Variants in WNT2 observed in about 807,000 individuals in gnomAD.
WNT2 encodes Wnt family member 2.
A neutral mutation model predicts 36.9 loss-of-function variants in WNT2; 12 were observed. The observed-to-expected ratio is 0.33, with a 90% CI of 0.21 to 0.53. The LOEUF (loss-of-function observed/expected upper bound fraction) is 0.53. WNT2 is among the 20% of genes least tolerant of loss of function. WNT2 has a pLI of 0.95. For synonymous variants in WNT2, 163 were observed against 174.6 expected, an observed-to-expected ratio of 0.93 and a Z score of 0.52; for missense variants, 379 against 473.1, an observed-to-expected ratio of 0.80 and a Z score of 1.84.
chr7:117,318,844 C>T (rs1795269160), intron 2 of WNT2, among the ~76,000 whole-genome samples: 1 of 152,174 alleles, frequency 6.6e-6, no homozygotes, highest in South Asian at 2.1e-4. Context: ...AGCAATTCTA[C>T]AGCTCTGAAG....
intron 3 of WNT2, among the ~76,000 whole-genome samples, chr7:117,302,013 T>C (rs1442453445): frequency 1.3e-5 from 2 of 152,004 alleles, no homozygotes; most frequent in Non-Finnish European, 2.9e-5. Context: ...TTCTCCATGT[T>C]GGTCAGGCTG....
chr7:117,309,291 T>C (rs1347776162), intron 3 of WNT2, among the ~76,000 whole-genome samples: 2 of 152,232 alleles, frequency 1.3e-5, no homozygotes, highest in Non-Finnish European at 2.9e-5. Context: ...TGAAGCACTT[T>C]CTGTAGGTGG....
At chr7:117,302,289 C>T (rs571898958) in intron 3 of WNT2, among the ~76,000 whole-genome samples, 9 of 152,192 alleles carry the variant, frequency 5.9e-5, no homozygotes, top group African/African-American at 1.4e-4. Flanking sequence ...AAAAGGTGTT[C>T]GACTTCATTA....
Position 117,284,565 on chromosome 7 carries a change from A to G in WNT2, c.854-6181T>C, listed in dbSNP as rs963876957. 3.3e-5 allele frequency among the ~76,000 whole-genome samples: 5 copies of G among 152,228 alleles called. No homozygotes were observed. Among genetic ancestry groups the G allele is most frequent in the East Asian group, 1.9e-4 (1 of 5,192 alleles). On this transcript the variant is annotated intron_variant, in intron 4 of 4. Coordinates refer to ENST00000265441, the MANE Select transcript of WNT2 (RefSeq NM_003391.3). The surrounding 1 kb of genome is among the most constrained non-coding windows in gnomAD (Gnocchi z 5.2). Reference sequence around the variant, plus strand: ...AGCTACATCTATCAGCCTTAATCCCATAAGGGTGAGTTTTCACATTTTCCA... The same window carrying G: ...AGCTACATCTATCAGCCTTAATCCCGTAAGGGTGAGTTTTCACATTTTCCA...
chr7:117,278,458 G>T (rs372876841), intron 4 of WNT2, 74 bp from the exon 5 acceptor site: 2 of 1,423,566 alleles, frequency 1.4e-6, no homozygotes, highest in East Asian at 4.9e-5. Flanking sequence ...GAGGAGTCAC[G>T]AGGTCCATCC....
At chr7:117,285,170 C>T (rs927886608) in intron 4 of WNT2, among the ~76,000 whole-genome samples, 10 of 152,170 alleles carry the variant, frequency 6.6e-5, no homozygotes, top group Admixed American at 6.5e-4. Flanking sequence ...TAGACAATTA[C>T]AACACATAAA....
chr7:117,289,488 T>A (rs551829538), intron 4 of WNT2, among the ~76,000 whole-genome samples: 11 of 152,330 alleles, frequency 7.2e-5, no homozygotes, highest in African/African-American at 2.4e-4. Flanking sequence ...GGAATTTTCA[T>A]AGGCTGTGAG....
At chr7:117,312,461 T>C (rs1354344619) in intron 3 of WNT2, among the ~76,000 whole-genome samples, 2 of 152,224 alleles carry the variant, frequency 1.3e-5, no homozygotes, top group Admixed American at 6.5e-5. Context: ...AAATGGCAGA[T>C]ATTGACCTTT....
rs934669534 is a variant in WNT2, at chr7:117,322,647, C to T, written c.83+260G>A. 1.3e-5 allele frequency among the ~76,000 whole-genome samples: 2 copies of T among 152,120 alleles called. No homozygotes were observed. The highest frequency in any genetic ancestry group is 2.9e-5 in the Non-Finnish European group (2 of 68,034). On this transcript the variant is annotated intron_variant, in intron 1 of 4. Coordinates refer to ENST00000265441, the MANE Select transcript of WNT2 (RefSeq NM_003391.3). This position sits in a 1 kb window ranked among gnomAD's most constrained non-coding sequence, Gnocchi z 5.4. ...GAAATTGGCTGATTTTGCTGTCGCT[C>T]AGCTGGATCCAAATAAACCAAACAT...
In WNT2 at chr7:117,314,925, C is replaced by A. The variant is rs190859783; in HGVS notation, c.588+146G>T. On this transcript the variant is annotated intron_variant, in intron 3 of 4. Transcript: ENST00000265441. ...TTCAACCTAGTTGTTGGTATTCTTCCGAACAAACAGCTAATGGCTGGGGGA... is the reference window on the plus strand; with the variant it reads ...TTCAACCTAGTTGTTGGTATTCTTCAGAACAAACAGCTAATGGCTGGGGGA... The A allele has an allele frequency of 2.9e-5, 37 of 1,260,334 alleles. No individual in the cohort carries two copies. In the East Asian group the frequency reaches 4.2e-4, roughly 14 times the overall value. The allele number at this position is 1,260,334 out of a possible 1,614,324, so 78.1% of individuals were successfully genotyped here. A position where few individuals can be genotyped will look rare whatever the true frequency, so the allele number is the denominator to read the frequency against.
intron 4 of WNT2, among the ~76,000 whole-genome samples, chr7:117,288,122 A>T (rs1190264563): frequency 6.6e-6 from 1 of 152,208 alleles, no homozygotes; most frequent in Non-Finnish European, 1.5e-5. Context: ...TGTTAAAATG[A>T]TCTTGCTTGG....
At chr7:117,282,853 C>A (rs911282658) in intron 4 of WNT2, among the ~76,000 whole-genome samples, 1 of 152,098 alleles carries the variant, frequency 6.6e-6, no homozygotes, top group African/African-American at 2.4e-5. Context: ...AGACTCTGGG[C>A]AGGACATGAG....
chr7:117,280,437 T>C (rs1021567036), intron 4 of WNT2, among the ~76,000 whole-genome samples: 3 of 152,168 alleles, frequency 2.0e-5, no homozygotes, highest in African/African-American at 7.2e-5. Flanking sequence ...ATAAAATAAA[T>C]AGGACCAAGT....
chr7:117,283,638 CAGA>C (rs1407517951), intron 4 of WNT2, among the ~76,000 whole-genome samples: 1 of 152,184 alleles, frequency 6.6e-6, no homozygotes. Flanking sequence ...ACTGTCTGAA[CAGA>C]AGGATTGCTC....
intron 3 of WNT2, among the ~76,000 whole-genome samples, chr7:117,302,010 T>C (rs573187712): frequency 4.6e-5 from 7 of 152,120 alleles, no homozygotes; most frequent in Admixed American, 1.3e-4. Flanking sequence ...GGTTTCTCCA[T>C]GTTGGTCAGG....
Position 117,315,326 on chromosome 7 carries a change from A to T in WNT2, c.333T>A (p.Val111=). 1 of 1,613,494 alleles carries T rather than the reference A, an allele frequency of 6.2e-7. No individual in the cohort carries two copies. The highest frequency in any genetic ancestry group is 8.5e-7 in the Non-Finnish European group (1 of 1,179,702). The change falls in exon 3 of 5, where the codon GTT becomes GTA. Residue 111 remains valine (V), a synonymous_variant. Coordinates refer to ENST00000265441, the MANE Select transcript of WNT2 (RefSeq NM_003391.3). Reference sequence around the variant, plus strand: ...CAACTCCAGCTGAGGAGATGGCATAAACAAAGGCAGATTCCCGACTACCTG... The same window carrying T: ...CAACTCCAGCTGAGGAGATGGCATATACAAAGGCAGATTCCCGACTACCTG... ...LLRSSRESAF[V]YAISSAGVVF...
intron 2 of WNT2, among the ~76,000 whole-genome samples, chr7:117,318,401 T>C (rs2116391850): frequency 6.6e-6 from 1 of 152,364 alleles, no homozygotes; most frequent in African/African-American, 2.4e-5. Flanking sequence ...AGAGGGAACC[T>C]GGCCTTCTGT....
rs562209358 is a variant in WNT2, at chr7:117,300,359, G to A, written c.589-2483C>T. Reference sequence around the variant, plus strand: ...GGGTCACCACGCCTGGCTAAGTTTTGTATTTTTAGTAGAGATGGGGTTTCA... The same window carrying A: ...GGGTCACCACGCCTGGCTAAGTTTTATATTTTTAGTAGAGATGGGGTTTCA... On this transcript the variant is annotated intron_variant, in intron 3 of 4. Transcript: ENST00000265441. Among the ~76,000 whole-genome samples the A allele has an allele frequency of 3.1e-3, 467 of 152,164 alleles. 2 individuals carry two copies. Among genetic ancestry groups the A allele is most frequent in the Non-Finnish European group, 3.8e-3 (255 of 67,992 alleles).
intron 3 of WNT2, among the ~76,000 whole-genome samples, chr7:117,312,923 A>T (rs530148749): frequency 1.2e-4 from 18 of 152,334 alleles, no homozygotes; most frequent in African/African-American, 4.1e-4. Flanking sequence ...GATGGTTTTT[A>T]AAAAAATGAA....
Sources: allele counts gnomAD v4.1 joint callset (sites outside exome capture counted in the v4.1 genomes callset), GRCh38; gene constraint gnomAD v4.1.1; non-coding constraint Gnocchi (gnomAD v3.1); transcripts MANE v1.5; gene names NCBI Gene and HGNC (gene_info 2026-07-23, HGNC 2026-07-21).